Variants in TM2D1 observed in about 807,000 individuals in gnomAD.
The protein encoded by TM2D1 is TM2 domain containing 1, also known as TM2 domain-containing protein 1.
In TM2D1, 15 loss-of-function variants were observed where a neutral mutation model predicts 28.4. That is an observed-to-expected ratio of 0.53 (90% CI 0.35 to 0.81). TM2D1 has a LOEUF of 0.81. Among genes scored for constraint, TM2D1 ranks in the 40% least tolerant of loss-of-function variants. The probability of loss-of-function intolerance (pLI) is 0.01; values close to 1 mark genes in which losing one functional copy is unlikely to be tolerated. For missense variants in TM2D1, 236 were observed against 254.9 expected (o/e 0.93, Z 0.50); for synonymous variants, 93 against 96.2 (o/e 0.97, Z 0.20).
intron 5 of TM2D1, among the ~76,000 whole-genome samples, chr1:61,690,695 A>C (rs1167767833): frequency 1.3e-5 from 2 of 152,204 alleles, no homozygotes; most frequent in Non-Finnish European, 2.9e-5. Flanking sequence ...ACTCTGTTTA[A>C]CATAACTGGT....
At chr1:61,709,182 C>A in intron 3 of TM2D1, 147 bp downstream of exon 3, 1 of 558,636 alleles carries the variant, frequency 1.8e-6, no homozygotes. Context: ...AAAAAACAAA[C>A]ACTTAAAATA....
intron 2 of TM2D1, among the ~76,000 whole-genome samples, chr1:61,714,566 C>T (rs1050351567): frequency 6.6e-6 from 1 of 152,086 alleles, no homozygotes; most frequent in East Asian, 1.9e-4. Flanking sequence ...CCCTTTCTTT[C>T]GCTTTATTTT....
intron 4 of TM2D1, chr1:61,698,901 AT>A (rs1246725690): frequency 1.3e-5 from 2 of 152,102 alleles, no homozygotes; most frequent in Non-Finnish European, 2.9e-5. Context: ...TGAATTTTAG[AT>A]TTTGTCTATA....
At position 61,683,411 on chromosome 1, in the gene TM2D1, A is replaced by T; in HGVS notation, c.*19+6T>A. The stretch of plus-strand genomic sequence containing the variant: ...AAGATATTACATATATATATATATC[A>T]CTTACTGTTTCTTTTAAAAAATATT... On this transcript the variant is annotated splice_donor_region_variant and intron_variant, in intron 6 of 6. Coordinates refer to ENST00000606498, the MANE Select transcript of TM2D1 (RefSeq NM_032027.3). The T allele has an allele frequency of 1.1e-6, 1 of 877,640 alleles. No individual in the cohort carries two copies. Among genetic ancestry groups the T allele is most frequent in the Non-Finnish European group, 1.7e-6 (1 of 582,766 alleles). The allele number at this position is 877,640 out of a possible 1,614,324, so 54.4% of individuals were successfully genotyped here.
rs769522928 is a variant in TM2D1, at chr1:61,725,096, G to C, written c.25C>G (p.Pro9Ala). 6.2e-7 allele frequency: 1 copy of C among 1,613,740 alleles called. No homozygotes were observed. The highest frequency in any genetic ancestry group is 1.1e-5 in the South Asian group (1 of 91,080). The change falls in exon 1 of 7, where the codon CCG (proline) becomes GCG (alanine). Residue 9 changes from proline (P) to alanine (A), a missense_variant. Coordinates refer to ENST00000606498, the MANE Select transcript of TM2D1 (RefSeq NM_032027.3). ...GCCGTCACGGCCTCCGGAGCAGACGGACCAGACGGCCAGGCGGCCGCCATC... is the reference window on the plus strand; with the variant it reads ...GCCGTCACGGCCTCCGGAGCAGACGCACCAGACGGCCAGGCGGCCGCCATC... Reference protein sequence around the residue: MAAAWPSGPSAPEAVTARL... With the variant: MAAAWPSGASAPEAVTARL...
intron 5 of TM2D1, among the ~76,000 whole-genome samples, chr1:61,684,291 C>G (rs372172198): frequency 1.2e-4 from 18 of 152,164 alleles, no homozygotes; most frequent in African/African-American, 4.1e-4. Context: ...GAGGAGAAAT[C>G]AATCCTGAGA....
At chr1:61,685,983 A>T (rs1644282514) in intron 5 of TM2D1, among the ~76,000 whole-genome samples, 1 of 152,196 alleles carries the variant, frequency 6.6e-6, no homozygotes. Context: ...ACTGCGCTCC[A>T]GCCTGGGTGA....
intron 2 of TM2D1, among the ~76,000 whole-genome samples, chr1:61,719,717 A>G (rs947913057): frequency 1.5e-4 from 22 of 151,306 alleles, no homozygotes; most frequent in Admixed American, 1.2e-3. Context: ...CTGGTCTTGA[A>G]CTCCTGACCT....
chr1:61,697,134 A>T (rs1342729943), intron 4 of TM2D1, among the ~76,000 whole-genome samples: 1 of 152,168 alleles, frequency 6.6e-6, no homozygotes, highest in Non-Finnish European at 1.5e-5. Context: ...CATTATTGGA[A>T]ACTTCATTAC....
At chr1:61,721,936 C>G (rs577915379) in intron 2 of TM2D1, among the ~76,000 whole-genome samples, 12 of 142,332 alleles carry the variant, frequency 8.4e-5, no homozygotes, top group African/African-American at 3.2e-4. Flanking sequence ...ATAGGGAGAC[C>G]CTCATCTCTA....
chr1:61,682,917 G>T (rs914326114), intron 6 of TM2D1, among the ~76,000 whole-genome samples: 24 of 146,678 alleles, frequency 1.6e-4, no homozygotes, highest in Non-Finnish European at 3.5e-4. Context: ...AAAAGAAAAA[G>T]AAAAAGATAA....
intron 5 of TM2D1, among the ~76,000 whole-genome samples, chr1:61,686,101 A>G (rs1151756): frequency 0.34 from 51,809 of 152,076 alleles, 10,552 homozygotes; most frequent in African/African-American, 0.58. Context: ...CTAGCTGTAG[A>G]ATCAAATAAT....
intron 2 of TM2D1, among the ~76,000 whole-genome samples, chr1:61,717,367 CAA>C (rs767043287): frequency 9.0e-5 from 11 of 121,718 alleles, no homozygotes; most frequent in South Asian, 2.6e-4. Flanking sequence ...GACTCCGCCT[CAA>C]AAAAAAAAAA....
chr1:61,717,659 G>A (rs1366721060), intron 2 of TM2D1, among the ~76,000 whole-genome samples: 2 of 151,902 alleles, frequency 1.3e-5, no homozygotes, highest in African/African-American at 4.8e-5. Context: ...CTGTAGCCTC[G>A]AAGTCCTGCG....
At chr1:61,721,951 T>TAAA (rs768461684) in intron 2 of TM2D1, among the ~76,000 whole-genome samples, 15 of 44,024 alleles carry the variant, frequency 3.4e-4, no homozygotes, top group African/African-American at 9.8e-4. Context: ...TCTCTACAGC[T>TAAA]AAAAAAAAAA....
At chr1:61,690,835 T>C (rs947645156) in intron 5 of TM2D1, among the ~76,000 whole-genome samples, 1 of 152,220 alleles carries the variant, frequency 6.6e-6, no homozygotes, top group African/African-American at 2.4e-5. Flanking sequence ...TTATAATAAA[T>C]ATCAAACTCA....
At chr1:61,701,394 G>T (rs1644400586) in intron 3 of TM2D1, among the ~76,000 whole-genome samples, 2 of 150,484 alleles carry the variant, frequency 1.3e-5, no homozygotes, top group South Asian at 4.2e-4. Flanking sequence ...GTAAGAGTAG[G>T]CCTCATTAAG....
At position 61,719,325 on chromosome 1, in the gene TM2D1, C is replaced by T. The variant is rs184548450; in HGVS notation, c.238+4388G>A. The stretch of plus-strand genomic sequence containing the variant: ...TAAGCCTCCCAAAGTGCTGGGATTA[C>T]AGGCATGGGCCACCACATCTGACCT... On this transcript the variant is annotated intron_variant, in intron 2 of 6. Transcript: ENST00000606498. Among the ~76,000 whole-genome samples the T allele has an allele frequency of 1.6e-4, 25 of 152,248 alleles. No individual in the cohort carries two copies. In the East Asian group the frequency reaches 4.6e-3, roughly 28 times the overall value.
In TM2D1 at chr1:61,686,846, C is replaced by T. The variant is rs1026839884; in HGVS notation, c.514-3300G>A. 1.1e-5 allele frequency: 11 copies of T among 963,218 alleles called. No homozygotes were observed. In the African/African-American group the frequency reaches 1.9e-4, roughly 17 times the overall value. The allele number at this position is 963,218 out of a possible 1,614,324, so 59.7% of individuals were successfully genotyped here. ...GCTGAGGCAGGAAGATTGTTTGAAC[C>T]CAGGAATTCGAGGCTGCAATGAGTT... On this transcript the variant is annotated intron_variant, in intron 5 of 6. Coordinates refer to ENST00000606498, the MANE Select transcript of TM2D1 (RefSeq NM_032027.3).
Sources: allele counts gnomAD v4.1 joint callset (sites outside exome capture counted in the v4.1 genomes callset), GRCh38; gene constraint gnomAD v4.1.1; transcripts MANE v1.5; gene names NCBI Gene and HGNC (gene_info 2026-07-23, HGNC 2026-07-21).